The following DYNC2I1 variants were observed in gnomAD, a reference collection of about 807,000 sequenced individuals.
DYNC2I1 encodes the protein dynein 2 intermediate chain 1, also known as cytoplasmic dynein 2 intermediate chain 1.
DYNC2I1 carries 89 observed loss-of-function variants against 133.4 expected under a neutral mutation model. The ratio of observed to expected loss-of-function variants is 0.67; its 90% CI spans 0.56 to 0.80. DYNC2I1 has a LOEUF of 0.80. DYNC2I1 is among the 30% of genes least tolerant of loss of function. The pLI is 0.00. For missense variants in DYNC2I1, 1,291 were observed against 1,314.5 expected (o/e 0.98, Z 0.28); for synonymous variants, 504 against 484.3 (o/e 1.04, Z -0.54).
In DYNC2I1 at chr7:158,889,036, T is replaced by TACACACACACAC. The variant is rs71200077; in HGVS notation, c.990+1980_990+1991dup. Among the ~76,000 whole-genome samples, 428 of 141,292 alleles carry TACACACACACAC rather than the reference T, an allele frequency of 3.0e-3. 1 individual carries two copies. The highest frequency in any genetic ancestry group is 7.5e-3 in the Middle Eastern group (2 of 268). The allele number at this position is 141,292 out of a possible 152,430, so 92.7% of individuals were successfully genotyped here. The stretch of plus-strand genomic sequence containing the variant: ...AGTTTGGAAGCCAGTTTTAAACATT[T>TACACACACACAC]ACACACACACACACACACACACACA... On this transcript the variant is annotated intron_variant, in intron 7 of 24. Coordinates refer to ENST00000407559, the MANE Select transcript of DYNC2I1 (RefSeq NM_018051.5).
chr7:158,912,980 T>C lies in DYNC2I1; in HGVS notation c.1591-5T>C. The C allele has an allele frequency of 6.3e-7, 1 of 1,594,552 alleles. No individual in the cohort carries two copies. The highest frequency in any genetic ancestry group is 8.5e-7 in the Non-Finnish European group (1 of 1,172,022). On this transcript the variant is annotated splice_region_variant and splice_polypyrimidine_tract_variant and intron_variant, in intron 12 of 24. Transcript: ENST00000407559. ...TGTTAATTTTGGCATATTTTTGTTT[T>C]TAAGGCATATGTTCAGTGTAACGAA...
intron 6 of DYNC2I1, among the ~76,000 whole-genome samples, chr7:158,885,840 T>G (rs1563112197): frequency 6.6e-6 from 1 of 152,034 alleles, no homozygotes; most frequent in Non-Finnish European, 1.5e-5. Flanking sequence ...ACAATAAGAC[T>G]TTTTTTGCTC....
At chr7:158,872,995 A>G (rs995146601) in intron 3 of DYNC2I1, among the ~76,000 whole-genome samples, 4 of 152,070 alleles carry the variant, frequency 2.6e-5, no homozygotes, top group African/African-American at 7.2e-5. Context: ...TGTCTAAAAA[A>G]AAAAACCCAA....
intron 3 of DYNC2I1, among the ~76,000 whole-genome samples, chr7:158,876,254 AACTC>A (rs1474624051): frequency 6.6e-6 from 1 of 152,096 alleles, no homozygotes; most frequent in East Asian, 1.9e-4. Context: ...ATCTTGTGAG[AACTC>A]ACTCAGTATC....
chr7:158,894,585 A>C (rs1439907201), intron 8 of DYNC2I1, among the ~76,000 whole-genome samples: 1 of 152,178 alleles, frequency 6.6e-6, no homozygotes, highest in Non-Finnish European at 1.5e-5. Flanking sequence ...TAGTCTATCC[A>C]CTCACTAACT....
At position 158,945,361 on chromosome 7, in the gene DYNC2I1, T is replaced by C. The variant is rs1054381869; in HGVS notation, c.3003-220T>C. The stretch of plus-strand genomic sequence containing the variant: ...CTGAGGAGACAGCAGCACGTCCTCA[T>C]CACTTACCTCTGCGAAGTTCCATCT... On this transcript the variant is annotated intron_variant, in intron 24 of 24. Transcript: ENST00000407559. This position sits in a 1 kb window ranked among gnomAD's most constrained non-coding sequence, Gnocchi z 4.1. Among the ~76,000 whole-genome samples, 3 of 152,178 alleles carry C rather than the reference T, an allele frequency of 2.0e-5. No individual in the cohort carries two copies. Among genetic ancestry groups the C allele is most frequent in the Admixed American group, 6.5e-5 (1 of 15,282 alleles).
intron 15 of DYNC2I1, among the ~76,000 whole-genome samples, chr7:158,920,770 G>A (rs1848991204): frequency 6.6e-6 from 1 of 152,232 alleles, no homozygotes; most frequent in East Asian, 1.9e-4. Flanking sequence ...GAGACGGAGT[G>A]TGTGGGTTGT....
chr7:158,866,935 TG>T (rs1469581519), intron 1 of DYNC2I1, among the ~76,000 whole-genome samples: 1 of 152,054 alleles, frequency 6.6e-6, no homozygotes, highest in African/African-American at 2.4e-5. Flanking sequence ...CAGCTTTTTT[TG>T]TTTGCCCTAA....
intron 3 of DYNC2I1, 95 bp from the exon 4 acceptor site, chr7:158,876,514 A>G: frequency 1.8e-5 from 26 of 1,411,276 alleles, no homozygotes; most frequent in Non-Finnish European, 2.3e-5. Flanking sequence ...ATTAACGAAT[A>G]TAAAATGTGC....
intron 7 of DYNC2I1, among the ~76,000 whole-genome samples, chr7:158,890,488 G>T (rs73529714): frequency 0.021 from 3,165 of 152,190 alleles, 106 homozygotes; most frequent in African/African-American, 0.071. Context: ...TGCCTGCTAT[G>T]TGCCAGAATA....
At chr7:158,957,555 C>T (rs530035818), downstream of DYNC2I1, among the ~76,000 whole-genome samples, 9 of 152,326 alleles carry the variant, frequency 5.9e-5, no homozygotes, top group Non-Finnish European at 1.0e-4. Flanking sequence ...GCCGGGGGCG[C>T]ATCCTTCCCA....
chr7:158,922,627 G>T, intron 16 of DYNC2I1, 78 bp downstream of exon 16: 1 of 1,417,870 alleles, frequency 7.1e-7, no homozygotes, highest in Non-Finnish European at 9.6e-7. Context: ...GGTGGGGAGA[G>T]TCACGGAGAG....
chr7:158,847,730 G>A, the DYNC2I1 span, among the ~76,000 whole-genome samples: 1 of 152,246 alleles, frequency 6.6e-6, no homozygotes, highest in Non-Finnish European at 1.5e-5. Flanking sequence ...ATGCTCCAAT[G>A]TGGATCTGTC....
At position 158,918,720 on chromosome 7, in the gene DYNC2I1, T is replaced by G. The variant is rs1848727174; in HGVS notation, c.1792-20T>G. 1 of 1,611,138 alleles carries G rather than the reference T, an allele frequency of 6.2e-7. No individual in the cohort carries two copies. The highest frequency in any genetic ancestry group is 1.3e-5 in the African/African-American group (1 of 74,840). On this transcript the variant is annotated intron_variant, in intron 14 of 24. Transcript: ENST00000407559. Reference sequence around the variant, plus strand: ...CCATTGTGAAGTTTTTATTAAAGACTACTCACTTATGTCTGACAGGTGATG... The same window carrying G: ...CCATTGTGAAGTTTTTATTAAAGACGACTCACTTATGTCTGACAGGTGATG...
intron 12 of DYNC2I1, among the ~76,000 whole-genome samples, chr7:158,912,463 T>A (rs1379089020): frequency 6.6e-6 from 1 of 152,054 alleles, no homozygotes; most frequent in Non-Finnish European, 1.5e-5. Context: ...AATTTTTAAA[T>A]TTTTTTTAAG....
chr7:158,865,221 C>A (rs1225046680), intron 1 of DYNC2I1, among the ~76,000 whole-genome samples: 1 of 152,158 alleles, frequency 6.6e-6, no homozygotes, highest in East Asian at 1.9e-4. Flanking sequence ...GTGATTTCAG[C>A]CCAGGTTTAC....
intron 15 of DYNC2I1, among the ~76,000 whole-genome samples, chr7:158,919,610 G>A (rs1237307304): frequency 2.0e-5 from 3 of 152,270 alleles, no homozygotes; most frequent in South Asian, 2.1e-4. Flanking sequence ...CGTGCTTCGG[G>A]GCACGTGTGA....
chr7:158,928,248 G>A (rs1849820253), intron 20 of DYNC2I1, among the ~76,000 whole-genome samples: 1 of 151,096 alleles, frequency 6.6e-6, no homozygotes, highest in Non-Finnish European at 1.5e-5. Flanking sequence ...GTTGTGTTCT[G>A]TGGTTGAGAT....
At chr7:158,948,764 A>AG (rs1462191518), downstream of DYNC2I1, among the ~76,000 whole-genome samples, 3 of 152,230 alleles carry the variant, frequency 2.0e-5, no homozygotes, top group East Asian at 5.8e-4. Flanking sequence ...TGGAGTCAAG[A>AG]GGGGGGTCCA....
Sources: gnomAD v4.1 joint callset for allele counts (sites outside exome capture counted in the v4.1 genomes callset) on GRCh38, gnomAD v4.1.1 for gene constraint, Gnocchi (gnomAD v3.1) non-coding constraint, MANE v1.5 for transcripts, NCBI Gene and HGNC (gene_info 2026-07-23, HGNC 2026-07-21) for gene names.